Variants in KCNK2 observed in about 807,000 individuals in gnomAD.
The protein encoded by KCNK2 is potassium channel subfamily K member 2.
Under a neutral mutation model 40.5 loss-of-function variants are expected in KCNK2, and 21 were observed. The observed-to-expected ratio is 0.52, with a 90% CI of 0.37 to 0.75. KCNK2 has a LOEUF of 0.75. Ranked by LOEUF, KCNK2 falls within the 30% of genes least tolerant of loss-of-function variation. The pLI, the probability that KCNK2 is intolerant of heterozygous loss-of-function variation, is 0.00. For synonymous variants in KCNK2, 191 were observed against 202.2 expected (o/e 0.94, Z 0.47); for missense variants, 399 against 531.6 (o/e 0.75, Z 2.45).
At chr1:215,226,230 T>A (rs1489356939) in intron 6 of KCNK2, among the ~76,000 whole-genome samples, 5 of 152,240 alleles carry the variant, frequency 3.3e-5, no homozygotes, top group Non-Finnish European at 7.4e-5. Context: ...ATCAGAGGAT[T>A]AACATTTATA....
intron 3 of KCNK2, among the ~76,000 whole-genome samples, chr1:215,138,277 T>A (rs1662018421): frequency 6.6e-6 from 1 of 152,192 alleles, no homozygotes; most frequent in Admixed American, 6.5e-5. Flanking sequence ...TCCTGCAGAT[T>A]CTGAGTTGTT....
intron 1 of KCNK2, among the ~76,000 whole-genome samples, chr1:215,063,409 C>A (rs111795875): frequency 1.3e-5 from 2 of 152,204 alleles, no homozygotes; most frequent in African/African-American, 4.8e-5. Flanking sequence ...CTGCAGTCAC[C>A]CAGGTGAACA....
chr1:215,080,330 T>A (rs530691448), upstream of KCNK2, among the ~76,000 whole-genome samples: 18 of 152,062 alleles, frequency 1.2e-4, no homozygotes, highest in East Asian at 3.5e-3. Flanking sequence ...AAAAGAATAA[T>A]CGAATTGCGA....
intron 1 of KCNK2, among the ~76,000 whole-genome samples, chr1:215,035,027 A>C (rs909153361): frequency 7.9e-5 from 12 of 152,000 alleles, no homozygotes; most frequent in African/African-American, 2.9e-4. Flanking sequence ...TTATTTGTTC[A>C]CTTCTAGTAT....
At chr1:215,218,844 CTAATA>C (rs1264649563) in intron 6 of KCNK2, among the ~76,000 whole-genome samples, 8 of 152,224 alleles carry the variant, frequency 5.3e-5, no homozygotes, top group African/African-American at 1.4e-4. Context: ...TGTTTCTGTA[CTAATA>C]TATTATACAT....
chr1:215,064,396 AAAC>A (rs1333524493), intron 1 of KCNK2, among the ~76,000 whole-genome samples: 1 of 152,040 alleles, frequency 6.6e-6, no homozygotes, highest in African/African-American at 2.4e-5. Flanking sequence ...AAAAAAATTT[AAAC>A]AACTGGATTT....
At chr1:215,190,543 C>A (rs1664625139) in intron 5 of KCNK2, among the ~76,000 whole-genome samples, 1 of 152,078 alleles carries the variant, frequency 6.6e-6, no homozygotes, top group Admixed American at 6.6e-5. Context: ...GGTGGCCTGA[C>A]ATATGTTATT....
At chr1:215,196,196 A>G (rs1664858114) in intron 6 of KCNK2, among the ~76,000 whole-genome samples, 1 of 151,530 alleles carries the variant, frequency 6.6e-6, no homozygotes, top group Non-Finnish European at 1.5e-5. Context: ...TGATTCTCCC[A>G]CCTCAGCCTC....
intron 6 of KCNK2, among the ~76,000 whole-genome samples, chr1:215,221,129 A>G (rs372146429): frequency 6.6e-6 from 1 of 152,212 alleles, no homozygotes; most frequent in East Asian, 1.9e-4. Flanking sequence ...CAGCACTTTG[A>G]GAGGCCAAGG....
intron 1 of KCNK2, among the ~76,000 whole-genome samples, chr1:215,053,098 T>G (rs1658044590): frequency 6.6e-6 from 1 of 152,140 alleles, no homozygotes; most frequent in Non-Finnish European, 1.5e-5. Context: ...AAATTTAATT[T>G]AATTTTAAGT....
At position 215,063,368 on chromosome 1, in the gene KCNK2, G is replaced by A. The variant is rs144417713; in HGVS notation, c.35-23000G>A. ...AGGAGAAAAGATTAGAAACAGATAC[G>A]GTGGTGGCAGGAGCACCAACTTGGA... On this transcript the variant is annotated intron_variant, in intron 1 of 6. Coordinates refer to the KCNK2 transcript ENST00000391895. Among the ~76,000 whole-genome samples the A allele has an allele frequency of 1.6e-4, 25 of 152,276 alleles. No individual in the cohort carries two copies. In the East Asian group the frequency reaches 1.7e-3, roughly 11 times the overall value.
intron 2 of KCNK2, among the ~76,000 whole-genome samples, chr1:215,102,517 A>G (rs1660265562): frequency 6.6e-6 from 1 of 152,044 alleles, no homozygotes; most frequent in Non-Finnish European, 1.5e-5. Context: ...GCTAATGTTA[A>G]TCTGTTATTG....
intron 2 of KCNK2, among the ~76,000 whole-genome samples, chr1:215,117,609 G>A (rs1355168328): frequency 6.6e-6 from 1 of 152,080 alleles, no homozygotes; most frequent in East Asian, 1.9e-4. Context: ...TGCACCAAAT[G>A]CTCAGATATT....
In KCNK2 at chr1:215,209,485, ATACATATATAT is replaced by A. The variant is rs1665522045; in HGVS notation, c.963+14394_963+14404del. Among the ~76,000 whole-genome samples the A allele has an allele frequency of 5.8e-3, 6 of 1,030 alleles. 1 individual carries two copies. Among genetic ancestry groups the A allele is most frequent in the Admixed American group, 0.025 (1 of 40 alleles). The allele number at this position is 1,030 out of a possible 152,430, so 0.7% of individuals were successfully genotyped here. ...TTATATATAATATATATTATATATA[ATACATATATAT>A]AATATATAATATATATAAAATATAA... is the stretch of plus-strand genomic sequence containing the variant. On this transcript the variant is annotated intron_variant, in intron 6 of 6. Coordinates refer to ENST00000444842, the MANE Select transcript of KCNK2 (RefSeq NM_001017425.3).
At chr1:215,052,857 G>C (rs551113786) in intron 1 of KCNK2, among the ~76,000 whole-genome samples, 1 of 152,296 alleles carries the variant, frequency 6.6e-6, no homozygotes, top group East Asian at 1.9e-4. Flanking sequence ...GTAGAATTAA[G>C]TAGCATATGA....
chr1:215,048,139 T>C (rs1162404091), intron 1 of KCNK2, among the ~76,000 whole-genome samples: 2 of 152,192 alleles, frequency 1.3e-5, no homozygotes, highest in African/African-American at 4.8e-5. Flanking sequence ...CAGTCTTTAT[T>C]TTTCCCATAC....
At chr1:215,155,026 T>G (rs1047987048) in intron 3 of KCNK2, among the ~76,000 whole-genome samples, 4 of 152,200 alleles carry the variant, frequency 2.6e-5, no homozygotes. Context: ...TAGTTACATT[T>G]AAAGAATTAT....
At chr1:215,157,255 G>A (rs1662972796) in intron 3 of KCNK2, among the ~76,000 whole-genome samples, 1 of 152,140 alleles carries the variant, frequency 6.6e-6, no homozygotes, top group South Asian at 2.1e-4. Context: ...CTGTCTCAGA[G>A]GAGATATCCC....
chr1:215,023,219 T>A (rs901623178), intron 1 of KCNK2, among the ~76,000 whole-genome samples: 5 of 152,196 alleles, frequency 3.3e-5, no homozygotes, highest in Non-Finnish European at 7.3e-5. Context: ...TATTATTTTT[T>A]TTGTATCTTT....
Sources: allele counts gnomAD v4.1 joint callset (sites outside exome capture counted in the v4.1 genomes callset), GRCh38; gene constraint gnomAD v4.1.1; transcripts MANE v1.5; gene names NCBI Gene and HGNC (gene_info 2026-07-23, HGNC 2026-07-21).